The following LYRM4 variants were observed in gnomAD, a reference collection of about 807,000 sequenced individuals.
LYRM4 encodes the protein LYR motif-containing protein 4.
LYRM4 carries 9 observed loss-of-function variants against 11.7 expected under a neutral mutation model. The ratio of observed to expected loss-of-function variants is 0.77; its 90% CI spans 0.46 to 1.34. LYRM4 has a LOEUF of 1.34. Among genes scored for constraint, LYRM4 ranks in the 40% most tolerant of loss-of-function variants. LYRM4 has a pLI of 0.00. For missense variants in LYRM4, 133 were observed against 112.5 expected (o/e 1.18, Z -0.82); for synonymous variants, 42 against 40.4 (o/e 1.04, Z -0.15).
intron 1 of LYRM4, among the ~76,000 whole-genome samples, chr6:5,255,864 T>C (rs1181487399): frequency 6.6e-6 from 1 of 152,178 alleles, no homozygotes; most frequent in Non-Finnish European, 1.5e-5. Context: ...TCAAATAAAA[T>C]CACCCCAGGA....
intron 1 of LYRM4, among the ~76,000 whole-genome samples, chr6:5,252,685 GA>G (rs1764489966): frequency 6.6e-6 from 1 of 152,092 alleles, no homozygotes; most frequent in Non-Finnish European, 1.5e-5. Flanking sequence ...TAAACGTAAT[GA>G]AGTTTTGGTC....
chr6:5,071,249 TC>T, the LYRM4 span, among the ~76,000 whole-genome samples: 1 of 152,134 alleles, frequency 6.6e-6, no homozygotes, highest in Non-Finnish European at 1.5e-5. Flanking sequence ...CGTTCCATTT[TC>T]CCTCCCTCAA....
At chr6:5,146,121 G>C (rs1353009736) in intron 2 of LYRM4, among the ~76,000 whole-genome samples, 2 of 152,194 alleles carry the variant, frequency 1.3e-5, no homozygotes, top group East Asian at 3.9e-4. Context: ...ATTCAGACCT[G>C]CCTGCCTCAG....
chr6:5,216,183 G>A (rs780877104), intron 2 of LYRM4, among the ~76,000 whole-genome samples: 1 of 152,184 alleles, frequency 6.6e-6, no homozygotes, highest in Non-Finnish European at 1.5e-5. Context: ...ATGTGGCAAC[G>A]TAATTCAGGT....
chr6:5,148,518 G>GTGGGGCAGAGTCATAACTCTGAATC (rs1554131022), intron 2 of LYRM4, among the ~76,000 whole-genome samples: 1 of 54,384 alleles, frequency 1.8e-5, no homozygotes. Flanking sequence ...AGCTGGGCTG[G>GTGGGGCAGAGTCATAACTCTGAATC]GTATACGCCT....
the LYRM4 span, among the ~76,000 whole-genome samples, chr6:5,043,705 C>G: frequency 6.6e-6 from 1 of 152,288 alleles, no homozygotes; most frequent in South Asian, 2.1e-4. Context: ...CGGGAGTCCT[C>G]CTCCTCCCAG....
At chr6:5,200,000 T>G (rs189862087) in intron 2 of LYRM4, among the ~76,000 whole-genome samples, 26 of 152,330 alleles carry the variant, frequency 1.7e-4, no homozygotes, top group African/African-American at 5.5e-4. Context: ...TGAAAAAATT[T>G]TACATATGTC....
downstream of LYRM4, among the ~76,000 whole-genome samples, chr6:5,101,968 C>CATTTTTTTTTTTTTTTTTT (rs556454653): frequency 1.5e-5 from 1 of 67,988 alleles, no homozygotes; most frequent in African/African-American, 4.6e-5. Flanking sequence ...CTAATGCTTT[C>CATTTTTTTTTTTTTTTTTT]TTTTTTTTTT....
the LYRM4 span, chr6:5,066,751 G>A: frequency 8.0e-6 from 6 of 749,496 alleles, no homozygotes; most frequent in Non-Finnish European, 1.4e-5. Flanking sequence ...GCCAATCTCC[G>A]ATTGGTTACG....
chr6:5,093,874 GA>G, the LYRM4 span, among the ~76,000 whole-genome samples: 10 of 152,232 alleles, frequency 6.6e-5, no homozygotes, highest in African/African-American at 2.2e-4. Flanking sequence ...TTCAGGGTCT[GA>G]AAATGCAATG....
the LYRM4 span, among the ~76,000 whole-genome samples, chr6:5,069,759 G>A: frequency 2.0e-5 from 3 of 152,280 alleles, no homozygotes; most frequent in African/African-American, 4.8e-5. Flanking sequence ...GATTATAGGC[G>A]TGAGCCACCG....
chr6:5,110,151 CA>C (rs1473202367), intron 2 of LYRM4, among the ~76,000 whole-genome samples: 22 of 152,284 alleles, frequency 1.4e-4, no homozygotes, highest in Admixed American at 6.5e-5. Flanking sequence ...AGGGTCTTGC[CA>C]CAGTTTTTCT....
chr6:5,065,138 T>C, the LYRM4 span, among the ~76,000 whole-genome samples: 1 of 152,172 alleles, frequency 6.6e-6, no homozygotes, highest in Non-Finnish European at 1.5e-5. Flanking sequence ...TTTCCAGGCT[T>C]CTTTCACTTA....
downstream of LYRM4, among the ~76,000 whole-genome samples, chr6:5,101,990 G>GTTTTTTTTTTT (rs1762519776): frequency 2.8e-4 from 9 of 31,938 alleles, no homozygotes; most frequent in Non-Finnish European, 5.8e-4. Context: ...TTTTTGGAGA[G>GTTTTTTTTTTT]TTATGTTGCC....
chr6:5,259,558 C>T (rs1260627740), intron 1 of LYRM4, among the ~76,000 whole-genome samples: 2 of 151,920 alleles, frequency 1.3e-5, no homozygotes, highest in African/African-American at 4.8e-5. Context: ...CTTAGCGTTC[C>T]TGTCCTCTGA....
intron 2 of LYRM4, among the ~76,000 whole-genome samples, chr6:5,188,728 G>T (rs1201722486): frequency 6.6e-6 from 1 of 152,034 alleles, no homozygotes; most frequent in Non-Finnish European, 1.5e-5. Context: ...GTAGAGCTTG[G>T]TACACAGTAA....
rs1174867144 is a variant in LYRM4, at chr6:5,185,780, C to T, written c.207+30838G>A. 2.6e-5 allele frequency among the ~76,000 whole-genome samples: 4 copies of T among 152,236 alleles called. No homozygotes were observed. The East Asian group carries it at 7.7e-4, about 29-fold the overall frequency. On this transcript the variant is annotated intron_variant, in intron 2 of 2. Transcript: ENST00000330636. ...GACAGGAGACAGACTTCAGAGTCAT[C>T]CTTGCAGGAGACAGGTGTGTCATGG...
chr6:5,218,253 G>A, intron 1 of LYRM4: 1 of 985,196 alleles, frequency 1.0e-6, no homozygotes, highest in Non-Finnish European at 1.2e-6. Flanking sequence ...TTAACTTGGA[G>A]CACCGGTTAA....
At chr6:5,053,836 A>G in the LYRM4 span, among the ~76,000 whole-genome samples, 1 of 152,184 alleles carries the variant, frequency 6.6e-6, no homozygotes, top group Non-Finnish European at 1.5e-5. Context: ...GTAACCTATC[A>G]AGCATATATA....
Sources: gnomAD v4.1 joint callset for allele counts (sites outside exome capture counted in the v4.1 genomes callset) on GRCh38, gnomAD v4.1.1 for gene constraint, MANE v1.5 for transcripts, NCBI Gene and HGNC (gene_info 2026-07-23, HGNC 2026-07-21) for gene names.